The following EPHB1 variants were observed in gnomAD, a reference collection of about 807,000 sequenced individuals.
The protein encoded by EPHB1 is EPH receptor B1.
Under a neutral mutation model 94.4 loss-of-function variants are expected in EPHB1, and 30 were observed. The ratio of observed to expected loss-of-function variants is 0.32; its 90% confidence interval spans 0.24 to 0.43. The LOEUF (loss-of-function observed/expected upper bound fraction) is 0.43. EPHB1 is among the 20% of genes least tolerant of loss of function. The pLI, the probability that EPHB1 is intolerant of heterozygous loss-of-function variation, is 1.00. For missense variants in EPHB1, 1,055 were observed against 1,308.3 expected (o/e 0.81, Z 2.99); for synonymous variants, 522 against 489.1 (o/e 1.07, Z -0.89).
At chr3:134,987,185 A>T (rs1002833221) in intron 3 of EPHB1, among the ~76,000 whole-genome samples, 2 of 152,198 alleles carry the variant, frequency 1.3e-5, no homozygotes, top group Non-Finnish European at 2.9e-5. Context: ...ACTAACATTT[A>T]TTAAGCATAT....
chr3:135,199,721 C>G (rs1035446927), intron 11 of EPHB1, among the ~76,000 whole-genome samples: 1 of 152,238 alleles, frequency 6.6e-6, no homozygotes, highest in African/African-American at 2.4e-5. Flanking sequence ...AACATGGATC[C>G]AGGCTTGCAA....
intron 1 of EPHB1, among the ~76,000 whole-genome samples, chr3:134,809,064 T>C (rs2036120104): frequency 1.3e-5 from 2 of 152,260 alleles, no homozygotes; most frequent in Admixed American, 1.3e-4. Flanking sequence ...TCATTTCCCT[T>C]CTTTTTCACT....
At chr3:134,899,338 T>A (rs1445214612) in intron 1 of EPHB1, among the ~76,000 whole-genome samples, 1 of 152,180 alleles carries the variant, frequency 6.6e-6, no homozygotes, top group Non-Finnish European at 1.5e-5. Context: ...TGGCCTGCGA[T>A]GTTCCTTTAC....
chr3:135,123,695 A>C (rs1391464925), intron 4 of EPHB1, among the ~76,000 whole-genome samples: 1 of 148,124 alleles, frequency 6.8e-6, no homozygotes, highest in African/African-American at 2.7e-5. Flanking sequence ...TTGTTTTCTT[A>C]TTGTTAAGTT....
intron 3 of EPHB1, among the ~76,000 whole-genome samples, chr3:135,085,354 T>TCTCTTGGA (rs1363562300): frequency 6.6e-6 from 1 of 152,224 alleles, no homozygotes. Flanking sequence ...ATTTGGCTGT[T>TCTCTTGGA]CTCTTGGAAG....
chr3:135,093,207 A>T (rs1018834803), intron 3 of EPHB1, among the ~76,000 whole-genome samples: 7 of 152,192 alleles, frequency 4.6e-5, no homozygotes, highest in South Asian at 2.1e-4. Context: ...GTACACTAAC[A>T]TGAGTGAGGA....
intron 12 of EPHB1, among the ~76,000 whole-genome samples, chr3:135,230,203 C>T (rs1943499789): frequency 6.6e-6 from 1 of 152,214 alleles, no homozygotes; most frequent in Non-Finnish European, 1.5e-5. Context: ...GAGCCTCCTC[C>T]TGAACCCTTC....
At chr3:134,817,894 A>G (rs1217802724) in intron 1 of EPHB1, among the ~76,000 whole-genome samples, 17 of 152,234 alleles carry the variant, frequency 1.1e-4, no homozygotes, top group Admixed American at 1.1e-3. Context: ...GGGAAAGCGC[A>G]ATGACTGGCG....
chr3:134,905,980 G>C (rs1291823027), intron 1 of EPHB1, among the ~76,000 whole-genome samples: 2 of 152,164 alleles, frequency 1.3e-5, no homozygotes, highest in African/African-American at 2.4e-5. Flanking sequence ...CCTCTGATTG[G>C]TGGTTTCCAT....
chr3:135,018,004 G>A (rs562166017), intron 3 of EPHB1, among the ~76,000 whole-genome samples: 4 of 152,128 alleles, frequency 2.6e-5, no homozygotes, highest in Admixed American at 2.6e-4. Context: ...GGACTGTGAG[G>A]GGGGGCATGA....
At chr3:135,114,722 CAGAT>C (rs1180111188) in intron 4 of EPHB1, among the ~76,000 whole-genome samples, 10 of 63,244 alleles carry the variant, frequency 1.6e-4, no homozygotes, top group African/African-American at 5.1e-4. Flanking sequence ...GACTCTGTCT[CAGAT>C]AGATAAATAA....
At chr3:135,121,908 C>T (rs1576404786) in intron 4 of EPHB1, among the ~76,000 whole-genome samples, 1 of 152,084 alleles carries the variant, frequency 6.6e-6, no homozygotes, top group Admixed American at 6.5e-5. Flanking sequence ...CAGGCAGTCC[C>T]TTATGCATAT....
chr3:134,935,455 T>C (rs1391142631), intron 2 of EPHB1, among the ~76,000 whole-genome samples: 2 of 152,214 alleles, frequency 1.3e-5, no homozygotes, highest in East Asian at 1.9e-4. Context: ...ATACTTTCAA[T>C]AGTATGAAGG....
At chr3:134,891,919 G>C (rs1348589033) in intron 1 of EPHB1, among the ~76,000 whole-genome samples, 5 of 152,210 alleles carry the variant, frequency 3.3e-5, no homozygotes, top group Non-Finnish European at 5.9e-5. Context: ...AGTTTACTCA[G>C]ATTCCTTGGG....
intron 1 of EPHB1, among the ~76,000 whole-genome samples, chr3:134,882,700 TTTCCTTCC>T (rs1372984258): frequency 1.3e-5 from 2 of 151,512 alleles, no homozygotes; most frequent in Non-Finnish European, 3.0e-5. Context: ...TCTTTCCTTC[TTTCCTTCC>T]TTCCTTCTTT....
chr3:135,211,004 G>A (rs1431350114), intron 12 of EPHB1, among the ~76,000 whole-genome samples: 1 of 152,188 alleles, frequency 6.6e-6, no homozygotes, highest in African/African-American at 2.4e-5. Context: ...GCAGAGATGG[G>A]CAGACACTTA....
chr3:135,121,618 G>A (rs80201295), intron 4 of EPHB1, among the ~76,000 whole-genome samples: 1 of 152,222 alleles, frequency 6.6e-6, no homozygotes, highest in African/African-American at 2.4e-5. Flanking sequence ...TCAGCAGGAA[G>A]TGCTCTGGGG....
At chr3:135,142,027 A>G (rs1559848793) in intron 5 of EPHB1, among the ~76,000 whole-genome samples, 1 of 152,236 alleles carries the variant, frequency 6.6e-6, no homozygotes, top group Non-Finnish European at 1.5e-5. Flanking sequence ...GACTGCATCA[A>G]CAGAAGACAG....
At chr3:135,015,200 C>T (rs1935754602) in intron 3 of EPHB1, among the ~76,000 whole-genome samples, 1 of 152,146 alleles carries the variant, frequency 6.6e-6, no homozygotes, top group African/African-American at 2.4e-5. Flanking sequence ...CTTTCATCTC[C>T]CAGTGACAGT....
Sources: gnomAD v4.1 joint callset for allele counts (sites outside exome capture counted in the v4.1 genomes callset) on GRCh38, gnomAD v4.1.1 for gene constraint, MANE v1.5 for transcripts, NCBI Gene and HGNC (gene_info 2026-07-23, HGNC 2026-07-21) for gene names.